OSTN: variants seen among roughly 807,000 people sequenced by gnomAD.
OSTN encodes the protein osteocrin.
OSTN carries 9 observed loss-of-function variants against 12.0 expected under a neutral mutation model. The observed-to-expected ratio is 0.75, with a 90% CI of 0.45 to 1.30. The LOEUF (loss-of-function observed/expected upper bound fraction) is 1.30. Among genes scored for constraint, OSTN ranks in the 50% most tolerant of loss-of-function variants. The probability of loss-of-function intolerance (pLI) is 0.00; values close to 1 mark genes in which losing one functional copy is unlikely to be tolerated. For missense variants in OSTN, 148 were observed against 152.3 expected (o/e 0.97, Z 0.15); for synonymous variants, 59 against 56.9 (o/e 1.04, Z -0.16).
At chr3:191,216,739 T>C (rs1299299916) in intron 2 of OSTN, among the ~76,000 whole-genome samples, 1 of 152,186 alleles carries the variant, frequency 6.6e-6, no homozygotes, top group Non-Finnish European at 1.5e-5. Context: ...TTTGCTCCAG[T>C]TCCCAACAAT....
chr3:191,207,103 C>T (rs970216042), intron 1 of OSTN, among the ~76,000 whole-genome samples: 2 of 152,040 alleles, frequency 1.3e-5, no homozygotes, highest in African/African-American at 2.4e-5. Context: ...TGTGCTCTGT[C>T]GCGGTGAGAA....
intron 3 of OSTN, among the ~76,000 whole-genome samples, chr3:191,247,099 G>A (rs566260006): frequency 1.2e-3 from 177 of 152,258 alleles, no homozygotes; most frequent in African/African-American, 3.9e-3. Context: ...AAATAACTGC[G>A]TAATTAAGAA....
chr3:191,254,598 C>CAATG (rs1301422418), intron 4 of OSTN, among the ~76,000 whole-genome samples: 4 of 152,174 alleles, frequency 2.6e-5, no homozygotes, highest in South Asian at 4.1e-4. Context: ...AACTCAAAAA[C>CAATG]AATGAATAAG....
At position 191,264,962 on chromosome 3, in the gene OSTN, T is replaced by C. The variant is rs1014385510; in HGVS notation, c.*2109T>C. 8.5e-6 allele frequency: 1 copy of C among 117,886 alleles called. No homozygotes were observed. The highest frequency in any genetic ancestry group is 2.8e-5 in the African/African-American group (1 of 35,886). The allele number at this position is 117,886 out of a possible 1,614,324, so 7.3% of individuals were successfully genotyped here. ...ATGCTATAGTTTCATGTGTAATGTA[T>C]TTTCACCTAATATACACACAATTTC... On this transcript the variant is annotated 3_prime_UTR_variant, in exon 5 of 5. Coordinates refer to ENST00000682035, the MANE Select transcript of OSTN (RefSeq NM_198184.2).
At chr3:191,261,662 T>C (rs939906464) in intron 4 of OSTN, among the ~76,000 whole-genome samples, 1 of 152,242 alleles carries the variant, frequency 6.6e-6, no homozygotes, top group Non-Finnish European at 1.5e-5. Flanking sequence ...TATTTTGATT[T>C]CCATCACTAG....
rs745400830 is a variant in OSTN, at chr3:191,212,629, A to G, written c.97A>G (p.Thr33Ala). 1 of 1,516,976 alleles carries G rather than the reference A, an allele frequency of 6.6e-7. No homozygotes were observed. Among genetic ancestry groups the G allele is most frequent in the South Asian group, 1.3e-5 (1 of 74,686 alleles). 94.0% of individuals were successfully genotyped at this position (1,516,976 alleles called of 1,614,324 possible). A position where few individuals can be genotyped will look rare whatever the true frequency, so the allele number is the denominator to read the frequency against. The change falls in exon 2 of 5, where the codon ACA (threonine) becomes GCA (alanine). Residue 33 changes from threonine (T) to alanine (A), a missense_variant. Coordinates refer to ENST00000682035, the MANE Select transcript of OSTN (RefSeq NM_198184.2). Reference sequence around the variant, plus strand: ...AGTCCTCTCAGTAGATGTAACAACAACAGAGGTAATGGAAACTAGCTTACA... The same window carrying G: ...AGTCCTCTCAGTAGATGTAACAACAGCAGAGGTAATGGAAACTAGCTTACA... ...GKVLSVDVTT[T>A]EAFDSGVIDV...
intron 4 of OSTN, 43 bp downstream of exon 4, chr3:191,250,176 A>T (rs1715528504): frequency 4.3e-6 from 6 of 1,409,892 alleles, no homozygotes; most frequent in Non-Finnish European, 6.0e-6. Flanking sequence ...CAGGTATTTG[A>T]TTAATATTTC....
intron 4 of OSTN, among the ~76,000 whole-genome samples, chr3:191,254,605 T>C (rs113999841): frequency 9.2e-4 from 140 of 152,314 alleles, no homozygotes; most frequent in African/African-American, 3.3e-3. Flanking sequence ...AAACAATGAA[T>C]AAGGCTAGAA....
At chr3:191,230,002 G>A (rs1715009260) in intron 3 of OSTN, 1 of 151,794 alleles carries the variant, frequency 6.6e-6, no homozygotes, top group South Asian at 2.1e-4. Context: ...GGAGGCAGAA[G>A]TTGCAGTGAG....
At chr3:191,241,812 A>G (rs1240357131) in intron 3 of OSTN, among the ~76,000 whole-genome samples, 1 of 152,210 alleles carries the variant, frequency 6.6e-6, no homozygotes, top group Admixed American at 6.5e-5. Flanking sequence ...TCAAACTACA[A>G]TGTGATTAAA....
chr3:191,248,751 G>GC (rs1242523677), intron 3 of OSTN, among the ~76,000 whole-genome samples: 2 of 152,098 alleles, frequency 1.3e-5, no homozygotes, highest in African/African-American at 2.4e-5. Context: ...TTTGAAATGA[G>GC]CCTGGGCAAG....
chr3:191,231,683 T>C (rs1302052035), intron 3 of OSTN, among the ~76,000 whole-genome samples: 1 of 152,158 alleles, frequency 6.6e-6, no homozygotes, highest in Non-Finnish European at 1.5e-5. Context: ...TGCCCTCATG[T>C]TTTTCCCCTT....
intron 3 of OSTN, among the ~76,000 whole-genome samples, chr3:191,225,821 C>T (rs908830098): frequency 6.6e-6 from 1 of 151,810 alleles, no homozygotes; most frequent in Non-Finnish European, 1.5e-5. Flanking sequence ...CTGGAGGCTA[C>T]AAAAGGTGGA....
intron 1 of OSTN, among the ~76,000 whole-genome samples, chr3:191,202,436 T>C (rs1022004822): frequency 6.6e-6 from 1 of 152,198 alleles, no homozygotes; most frequent in Admixed American, 6.5e-5. Context: ...TTTACTTTTA[T>C]ATCCCCAGTA....
intron 3 of OSTN, among the ~76,000 whole-genome samples, chr3:191,238,182 G>A (rs1227210065): frequency 1.3e-5 from 2 of 152,110 alleles, no homozygotes; most frequent in Non-Finnish European, 2.9e-5. Flanking sequence ...GGGATACAGT[G>A]TTAATCAAAA....
intron 4 of OSTN, among the ~76,000 whole-genome samples, chr3:191,260,668 C>T (rs1480885982): frequency 1.3e-5 from 2 of 152,254 alleles, no homozygotes; most frequent in African/African-American, 4.8e-5. Context: ...GGTTCCCAGG[C>T]ATTTTTAGGA....
At chr3:191,201,334 C>A (rs1714148459) in intron 1 of OSTN, among the ~76,000 whole-genome samples, 1 of 152,076 alleles carries the variant, frequency 6.6e-6, no homozygotes, top group African/African-American at 2.4e-5. Flanking sequence ...CAGGTTCATT[C>A]TCTCTGAGCC....
intron 2 of OSTN, among the ~76,000 whole-genome samples, chr3:191,214,447 A>C (rs1714551122): frequency 6.6e-6 from 1 of 150,432 alleles, no homozygotes; most frequent in South Asian, 2.1e-4. Context: ...AAAAAAAAAA[A>C]AAAAAAAAAA....
At chr3:191,211,784 ATG>A (rs1267130325) in intron 1 of OSTN, among the ~76,000 whole-genome samples, 1 of 152,134 alleles carries the variant, frequency 6.6e-6, no homozygotes, top group African/African-American at 2.4e-5. Context: ...TTTCTATGAA[ATG>A]TGTGTTCATA....
Sources: gnomAD v4.1 joint callset for allele counts (sites outside exome capture counted in the v4.1 genomes callset) on GRCh38, gnomAD v4.1.1 for gene constraint, MANE v1.5 for transcripts, NCBI Gene and HGNC (gene_info 2026-07-23, HGNC 2026-07-21) for gene names.